The following FYB1 variants were observed in gnomAD, a reference collection of about 807,000 sequenced individuals.
FYB1 encodes FYN-binding protein 1.
In FYB1, 41 loss-of-function variants were observed where a neutral mutation model predicts 94.1. The ratio of observed to expected loss-of-function variants is 0.44; its 90% confidence interval spans 0.34 to 0.57. The LOEUF (loss-of-function observed/expected upper bound fraction) is 0.57. FYB1 is among the 20% of genes least tolerant of loss of function. The pLI is 0.02. For synonymous variants in FYB1, 367 were observed against 353.2 expected (o/e 1.04, Z -0.44); for missense variants, 1,050 against 976.8 (o/e 1.07, Z -1.00).
At chr5:39,121,370 T>C (rs1012568244) in intron 14 of FYB1, among the ~76,000 whole-genome samples, 3 of 152,150 alleles carry the variant, frequency 2.0e-5, no homozygotes, top group Admixed American at 6.6e-5. Flanking sequence ...TCTTCATATA[T>C]GAATGATGGC....
rs535578844 is a variant in FYB1, at chr5:39,158,884, T to C, written c.1136-5280A>G. Among the ~76,000 whole-genome samples the C allele has an allele frequency of 1.3e-3, 204 of 152,336 alleles. 1 individual carries two copies. In the Middle Eastern group the frequency reaches 0.024, roughly 18 times the overall value. On this transcript the variant is annotated intron_variant, in intron 2 of 18. Transcript: ENST00000512982. Reference sequence around the variant, plus strand: ...CTTGGCATTTCTAATTCTGTTTTTCTTGGGGTATCTTAGACCAGGCATTAG... The same window carrying C: ...CTTGGCATTTCTAATTCTGTTTTTCCTGGGGTATCTTAGACCAGGCATTAG...
At chr5:39,235,779 G>C (rs1579754756) in intron 1 of FYB1, among the ~76,000 whole-genome samples, 1 of 152,110 alleles carries the variant, frequency 6.6e-6, no homozygotes, top group Non-Finnish European at 1.5e-5. Flanking sequence ...TATATCATCA[G>C]CTGCCATAAA....
At chr5:39,213,228 T>A (rs1300326961) in intron 1 of FYB1, among the ~76,000 whole-genome samples, 2 of 152,178 alleles carry the variant, frequency 1.3e-5, no homozygotes, top group Non-Finnish European at 2.9e-5. Flanking sequence ...CTGAGTCACC[T>A]AAGCTTTAGC....
At chr5:39,211,071 A>G (rs1005622146) in intron 1 of FYB1, 1 of 152,192 alleles carries the variant, frequency 6.6e-6, no homozygotes, top group African/African-American at 2.4e-5. Context: ...TGTTTAGGAT[A>G]ATTCACTCAG....
chr5:39,222,777 C>T (rs1051714504), upstream of FYB1, among the ~76,000 whole-genome samples: 1 of 152,066 alleles, frequency 6.6e-6, no homozygotes, highest in Non-Finnish European at 1.5e-5. Context: ...ATAATAAACA[C>T]CCATTTTTCT....
chr5:39,167,239 G>A (rs1744820262), intron 2 of FYB1, among the ~76,000 whole-genome samples: 1 of 152,058 alleles, frequency 6.6e-6, no homozygotes, highest in African/African-American at 2.4e-5. Flanking sequence ...TCTACTAGAG[G>A]TGTGATCTTG....
intron 3 of FYB1, among the ~76,000 whole-genome samples, chr5:39,145,080 C>T (rs930797782): frequency 1.3e-5 from 2 of 152,134 alleles, no homozygotes; most frequent in African/African-American, 4.8e-5. Context: ...CAAGATTGGC[C>T]ATGAGTTTAT....
At chr5:39,204,912 C>T (rs1312753716) in intron 1 of FYB1, among the ~76,000 whole-genome samples, 1 of 152,138 alleles carries the variant, frequency 6.6e-6, no homozygotes, top group Non-Finnish European at 1.5e-5. Flanking sequence ...CCTTTCCTCC[C>T]TTTGCCACTT....
intron 2 of FYB1, among the ~76,000 whole-genome samples, chr5:39,191,625 A>G (rs1178378832): frequency 6.6e-6 from 1 of 152,234 alleles, no homozygotes; most frequent in Non-Finnish European, 1.5e-5. Context: ...GTGGCAATTT[A>G]AACAAAGAGA....
At chr5:39,197,724 C>T (rs1455850555) in intron 2 of FYB1, among the ~76,000 whole-genome samples, 2 of 152,226 alleles carry the variant, frequency 1.3e-5, no homozygotes, top group Non-Finnish European at 2.9e-5. Context: ...AGTCAGATGC[C>T]TTCGCTTGGC....
At chr5:39,219,133 C>T (rs1411963427) in intron 1 of FYB1, among the ~76,000 whole-genome samples, 4 of 152,164 alleles carry the variant, frequency 2.6e-5, no homozygotes, top group African/African-American at 2.4e-5. Flanking sequence ...CACTGCAAGA[C>T]GTTATTTAAC....
chr5:39,219,282 T>A (rs911551720), intron 1 of FYB1, among the ~76,000 whole-genome samples, 161 bp downstream of exon 1: 2 of 152,186 alleles, frequency 1.3e-5, no homozygotes, highest in African/African-American at 4.8e-5. Flanking sequence ...AGTTTTAGTG[T>A]CTCCTGTTCA....
At chr5:39,132,056 T>G (rs943397186) in intron 9 of FYB1, among the ~76,000 whole-genome samples, 1 of 152,212 alleles carries the variant, frequency 6.6e-6, no homozygotes, top group Non-Finnish European at 1.5e-5. Flanking sequence ...TTCCCTTTTC[T>G]TCAATGTTTC....
chr5:39,139,337 T>A, intron 4 of FYB1, 85 bp from the exon 5 acceptor site: 1 of 1,096,414 alleles, frequency 9.1e-7, no homozygotes, highest in South Asian at 2.0e-5. Flanking sequence ...TATAATAATA[T>A]TCAAAATAGT....
At chr5:39,120,035 GA>G (rs1228151592) in intron 14 of FYB1, among the ~76,000 whole-genome samples, 2 of 152,044 alleles carry the variant, frequency 1.3e-5, no homozygotes, top group Non-Finnish European at 2.9e-5. Context: ...TAAAAAAGAA[GA>G]GTTCAAAAAC....
chr5:39,248,591 C>T (rs928658376), intron 1 of FYB1, among the ~76,000 whole-genome samples: 1 of 152,194 alleles, frequency 6.6e-6, no homozygotes, highest in Non-Finnish European at 1.5e-5. Context: ...GTAATCCCAG[C>T]ACTTTGGGCG....
At chr5:39,234,898 G>T (rs1043426220) in intron 1 of FYB1, among the ~76,000 whole-genome samples, 12 of 151,984 alleles carry the variant, frequency 7.9e-5, no homozygotes, top group Non-Finnish European at 1.3e-4. Flanking sequence ...CAGGGGGTCG[G>T]GGGCAAGGGG....
intron 1 of FYB1, among the ~76,000 whole-genome samples, chr5:39,264,043 G>T (rs2111673775): frequency 6.6e-6 from 1 of 152,286 alleles, no homozygotes; most frequent in Middle Eastern, 3.4e-3. Context: ...TTGGGGAGGT[G>T]CTTGGATGTA....
intron 1 of FYB1, among the ~76,000 whole-genome samples, chr5:39,208,483 TAA>T (rs1421856624): frequency 6.6e-6 from 1 of 152,194 alleles, no homozygotes; most frequent in Non-Finnish European, 1.5e-5. Flanking sequence ...TATGTTGAGA[TAA>T]AGTCGTTTGT....
Sources: gnomAD v4.1 joint callset for allele counts (sites outside exome capture counted in the v4.1 genomes callset) on GRCh38, gnomAD v4.1.1 for gene constraint, MANE v1.5 for transcripts, NCBI Gene and HGNC (gene_info 2026-07-23, HGNC 2026-07-21) for gene names.